Variants in TENM2 observed in about 807,000 individuals in gnomAD.
TENM2 encodes the protein teneurin-2.
TENM2 carries 52 observed loss-of-function variants against 245.2 expected under a neutral mutation model. That is an observed-to-expected ratio of 0.21 (90% CI 0.17 to 0.27). The LOEUF is 0.27. Ranked by LOEUF, TENM2 falls within the 10% of genes least tolerant of loss-of-function variation. The probability of loss-of-function intolerance (pLI) is 1.00; values close to 1 mark genes in which losing one functional copy is unlikely to be tolerated. For synonymous variants in TENM2, 1,363 were observed against 1,438.9 expected, an observed-to-expected ratio of 0.95 and a Z score of 1.19; for missense variants, 3,046 against 3,666.8, an observed-to-expected ratio of 0.83 and a Z score of 4.37.
chr5:168,118,857 A>T (rs896940254), intron 10 of TENM2, among the ~76,000 whole-genome samples: 26 of 151,046 alleles, frequency 1.7e-4, no homozygotes, highest in Admixed American at 1.7e-3. Context: ...CCCTCGCCCT[A>T]TCTTTCTTCC....
At chr5:167,329,706 A>G (rs1371204733) in intron 1 of TENM2, among the ~76,000 whole-genome samples, 2 of 152,084 alleles carry the variant, frequency 1.3e-5, no homozygotes, top group Admixed American at 6.5e-5. Context: ...TGATCCAGCT[A>G]TGAGATGTAT....
chr5:168,257,194 A>G (rs1241080943), intron 27 of TENM2, among the ~76,000 whole-genome samples: 2 of 152,110 alleles, frequency 1.3e-5, no homozygotes, highest in East Asian at 3.9e-4. Context: ...TAAATGTGGA[A>G]ATGACACAGC....
intron 2 of TENM2, among the ~76,000 whole-genome samples, chr5:167,391,227 T>C (rs577643249): frequency 6.6e-6 from 1 of 152,138 alleles, no homozygotes; most frequent in Non-Finnish European, 1.5e-5. Flanking sequence ...GGGGAAATGG[T>C]GTAGCCTTCA....
the TENM2 span, among the ~76,000 whole-genome samples, chr5:167,250,269 C>T: frequency 1.2e-4 from 18 of 151,760 alleles, no homozygotes; most frequent in Non-Finnish European, 2.5e-4. Flanking sequence ...TGCAGTAAGC[C>T]GTGATACTGC....
the TENM2 span, among the ~76,000 whole-genome samples, chr5:167,207,698 A>C: frequency 5.9e-5 from 9 of 152,314 alleles, no homozygotes; most frequent in South Asian, 1.9e-3. Context: ...GACAGCGTGC[A>C]TGAGAGGGCT....
At chr5:167,004,527 T>A in the TENM2 span, among the ~76,000 whole-genome samples, 2 of 152,214 alleles carry the variant, frequency 1.3e-5, no homozygotes, top group Non-Finnish European at 2.9e-5. Flanking sequence ...GAAAGGAAGA[T>A]AGTAAAAGGA....
At position 167,784,283 on chromosome 5, in the gene TENM2, G is replaced by T. The variant is rs563114578; in HGVS notation, c.503-91703G>T. 6.6e-5 allele frequency among the ~76,000 whole-genome samples: 10 copies of T among 152,320 alleles called. No homozygotes were observed. In the South Asian group the frequency reaches 2.1e-3, roughly 32 times the overall value. ...AAACAAATAGTGATGCCCTGAAGGG[G>T]TTTTGTTGTTTTGGGGGGTAAAGAA... On this transcript the variant is annotated intron_variant, in intron 2 of 28. Coordinates refer to ENST00000518659, the Ensembl canonical transcript of TENM2.
At chr5:167,970,469 C>G (rs914378708) in intron 4 of TENM2, among the ~76,000 whole-genome samples, 5 of 152,178 alleles carry the variant, frequency 3.3e-5, no homozygotes, top group African/African-American at 1.2e-4. Flanking sequence ...CAAAACATCT[C>G]GATGCATTTC....
chr5:167,373,167 T>A (rs1760541099), intron 1 of TENM2, among the ~76,000 whole-genome samples: 1 of 152,256 alleles, frequency 6.6e-6, no homozygotes, highest in Non-Finnish European at 1.5e-5. Flanking sequence ...TGATTCCATT[T>A]ACACAACCAA....
At chr5:167,145,011 C>T in the TENM2 span, among the ~76,000 whole-genome samples, 1 of 152,184 alleles carries the variant, frequency 6.6e-6, no homozygotes, top group Non-Finnish European at 1.5e-5. Flanking sequence ...AGGCATTCCT[C>T]GGCCCATGTG....
chr5:167,959,201 T>C (rs1561982967), intron 4 of TENM2, among the ~76,000 whole-genome samples: 3 of 150,972 alleles, frequency 2.0e-5, no homozygotes, highest in South Asian at 4.2e-4. Flanking sequence ...TTTTTTTTTT[T>C]TTTCTTTTTT....
chr5:167,049,847 T>C, the TENM2 span, among the ~76,000 whole-genome samples: 1 of 152,202 alleles, frequency 6.6e-6, no homozygotes, highest in Non-Finnish European at 1.5e-5. Flanking sequence ...CAGTCTCCGT[T>C]GTACCAGAGA....
chr5:167,102,411 A>C, the TENM2 span, among the ~76,000 whole-genome samples: 1 of 152,290 alleles, frequency 6.6e-6, no homozygotes, highest in East Asian at 1.9e-4. Flanking sequence ...ATGCTTATAT[A>C]ATCCTCACAA....
chr5:167,214,454 C>G, the TENM2 span, among the ~76,000 whole-genome samples: 1 of 152,136 alleles, frequency 6.6e-6, no homozygotes, highest in Non-Finnish European at 1.5e-5. Context: ...TCAGAACCTT[C>G]CTGCATTTTT....
intron 2 of TENM2, among the ~76,000 whole-genome samples, chr5:167,843,867 A>C (rs1447822791): frequency 6.6e-6 from 1 of 152,208 alleles, no homozygotes; most frequent in Non-Finnish European, 1.5e-5. Context: ...AAAACACTTG[A>C]AATTGCTACT....
chr5:167,434,280 A>G (rs1281612305), intron 2 of TENM2, among the ~76,000 whole-genome samples: 5 of 151,622 alleles, frequency 3.3e-5, no homozygotes, highest in Non-Finnish European at 7.4e-5. Flanking sequence ...AATTAGCTGG[A>G]TATGGTGGCA....
chr5:168,090,823 T>C, intron 8 of TENM2, 54 bp downstream of exon 10: 1 of 1,479,414 alleles, frequency 6.8e-7, no homozygotes, highest in Non-Finnish European at 9.4e-7. Context: ...GGAAATGTTC[T>C]GGGCTTCTCT....
chr5:167,709,373 A>G (rs1414359540), intron 2 of TENM2, among the ~76,000 whole-genome samples: 1 of 152,192 alleles, frequency 6.6e-6, no homozygotes, highest in East Asian at 1.9e-4. Flanking sequence ...ATTTCATTTC[A>G]TGTAATCCCT....
At chr5:167,300,700 G>C (rs1326129636) in intron 1 of TENM2, among the ~76,000 whole-genome samples, 1 of 152,052 alleles carries the variant, frequency 6.6e-6, no homozygotes, top group Non-Finnish European at 1.5e-5. Flanking sequence ...ATGATTGGTC[G>C]ATAAGGAAGG....
Sources: allele counts gnomAD v4.1 joint callset (sites outside exome capture counted in the v4.1 genomes callset), GRCh38; gene constraint gnomAD v4.1.1; transcripts MANE v1.5; gene names NCBI Gene and HGNC (gene_info 2026-07-23, HGNC 2026-07-21).